DLG5: variants seen among roughly 807,000 people sequenced by gnomAD.
DLG5 encodes discs large MAGUK scaffold protein 5.
A neutral mutation model predicts 189.8 loss-of-function variants in DLG5; 48 were observed. The ratio of observed to expected loss-of-function variants is 0.25; its 90% CI spans 0.20 to 0.32. The LOEUF (loss-of-function observed/expected upper bound fraction) is 0.32. Among genes scored for constraint, DLG5 ranks in the 10% least tolerant of loss-of-function variants. The pLI, the probability that DLG5 is intolerant of heterozygous loss-of-function variation, is 1.00. For synonymous variants in DLG5, 1,016 were observed against 1,054.1 expected (o/e 0.96, Z 0.70); for missense variants, 2,160 against 2,544.7 (o/e 0.85, Z 3.25).
At chr10:77,799,236 G>C (rs1237022677) in intron 27 of DLG5, among the ~76,000 whole-genome samples, 2 of 152,224 alleles carry the variant, frequency 1.3e-5, no homozygotes, top group Non-Finnish European at 2.9e-5. Context: ...TCCAACCTTA[G>C]ACCATACGGC....
chr10:77,805,643 G>T (rs1432283539), intron 27 of DLG5, 22 bp downstream of exon 27: 1 of 1,591,258 alleles, frequency 6.3e-7, no homozygotes, highest in African/African-American at 1.3e-5. Flanking sequence ...GAGCCCACTG[G>T]AAAATGAGCT....
chr10:77,929,481 G>A (rs969967808), upstream of DLG5: 3 of 152,216 alleles, frequency 2.0e-5, no homozygotes, highest in African/African-American at 7.2e-5. Context: ...CCCAGTACCT[G>A]TGAATGTGAC....
At chr10:77,867,682 CA>C (rs1844738850) in intron 2 of DLG5, among the ~76,000 whole-genome samples, 1 of 152,346 alleles carries the variant, frequency 6.6e-6, no homozygotes, top group South Asian at 2.1e-4. Context: ...TGTGGCCCCC[CA>C]AAAGATGCTA....
chr10:77,923,873 CT>C (rs79068166), intron 1 of DLG5, among the ~76,000 whole-genome samples: 54,205 of 151,490 alleles, frequency 0.36, 10,075 homozygotes, highest in East Asian at 0.56. Flanking sequence ...TTTTTTCTTT[CT>C]TTTTTTTTGA....
At chr10:77,848,519 C>T (rs1268956) in intron 5 of DLG5, among the ~76,000 whole-genome samples, 38,641 of 151,984 alleles carry the variant, frequency 0.25, 5,480 homozygotes, top group Admixed American at 0.39. Context: ...AACTTCAAAA[C>T]ATGTGTGCAA....
At chr10:77,804,915 T>C (rs1273333034) in intron 27 of DLG5, among the ~76,000 whole-genome samples, 1 of 152,162 alleles carries the variant, frequency 6.6e-6, no homozygotes, top group East Asian at 1.9e-4. Context: ...CCATTCTTCC[T>C]CAGTAACTGA....
intron 1 of DLG5, among the ~76,000 whole-genome samples, chr10:77,923,171 C>T (rs1846585705): frequency 6.6e-6 from 1 of 152,218 alleles, no homozygotes; most frequent in African/African-American, 2.4e-5. Context: ...GCTAAGGATC[C>T]CAGGGAGCCA....
chr10:77,833,936 T>C lies in DLG5; in HGVS notation c.1726A>G (p.Ser576Gly). 6 of 1,606,822 alleles carry C rather than the reference T, an allele frequency of 3.7e-6. No individual in the cohort carries two copies. The highest frequency in any genetic ancestry group is 5.1e-6 in the Non-Finnish European group (6 of 1,179,952). The part of the protein sequence containing the change: ...DDTRKQKNDV[S>G]RELKELKEQM... ...TACTTGAGCTCCTTCAGCTCGCGGCTGACATCATTCTTCTGCTTGCGGGTG... is the reference window on the plus strand; with the variant it reads ...TACTTGAGCTCCTTCAGCTCGCGGCCGACATCATTCTTCTGCTTGCGGGTG... The change falls in exon 9 of 32, where the codon AGC becomes GGC. Residue 576 changes from serine (S) to glycine (G), a missense_variant. This residue lies in a region of DLG5 where 664 missense variants were observed against 838.5 expected (regional missense o/e 0.79). Coordinates refer to ENST00000372391, the MANE Select transcript of DLG5 (RefSeq NM_004747.4).
At chr10:77,799,479 G>A (rs952790941) in intron 27 of DLG5, among the ~76,000 whole-genome samples, 15 of 152,184 alleles carry the variant, frequency 9.9e-5, no homozygotes, top group African/African-American at 2.4e-4. Context: ...AGGCAGCTGC[G>A]TACAAGGCAG....
intron 2 of DLG5, among the ~76,000 whole-genome samples, chr10:77,860,011 G>A (rs986456612): frequency 6.6e-6 from 1 of 152,218 alleles, no homozygotes; most frequent in Non-Finnish European, 1.5e-5. Flanking sequence ...CCAACAAGTG[G>A]AGCTTCCTTT....
chr10:77,816,941 G>A lies in DLG5; in HGVS notation c.3874+66C>T, dbSNP rs559039660. 5.4e-5 allele frequency: 83 copies of A among 1,547,762 alleles called. No individual in the cohort carries two copies. In the African/African-American group the frequency reaches 1.1e-3, roughly 20 times the overall value. On this transcript the variant is annotated intron_variant, in intron 19 of 31. Coordinates refer to ENST00000372391, the MANE Select transcript of DLG5 (RefSeq NM_004747.4). ...TATGAAGTTCTCAGCTAAGCCCAGA[G>A]ACTCCACCATGAGGAGTCAGACCGC...
rs150800568 is a variant in DLG5 at position 77,792,469 on chromosome 10, C to G, written c.5731G>C (p.Val1911Leu). 33 of 1,614,084 alleles carry G rather than the reference C, an allele frequency of 2.0e-5. No homozygotes were observed. The highest frequency in any genetic ancestry group is 2.8e-5 in the Non-Finnish European group (33 of 1,180,052). Residue 1911 changes from valine to leucine, a missense_variant, in exon 32 of 32, where the codon GTC becomes CTC. This residue lies in a region of DLG5 where 574 missense variants were observed against 644.2 expected (regional missense o/e 0.89). Coordinates refer to ENST00000372391, the MANE Select transcript of DLG5 (RefSeq NM_004747.4). ...AGCGGGCAGGCTGGAATCCACAGGA[C>G]TTTATTTTGTTCTTGATTGACCATT... is the stretch of plus-strand genomic sequence containing the variant. ...LAMVNQEQNK[V>L]LWIPACPL
At chr10:77,933,884 TTAAAA>T in the DLG5 span, among the ~76,000 whole-genome samples, 2 of 150,636 alleles carry the variant, frequency 1.3e-5, no homozygotes, top group Admixed American at 1.3e-4. Flanking sequence ...GTTCTGTACT[TTAAAA>T]TACGGAGAGT....
At chr10:77,841,090 A>C (rs895134604) in intron 7 of DLG5, among the ~76,000 whole-genome samples, 1 of 152,222 alleles carries the variant, frequency 6.6e-6, no homozygotes, top group Non-Finnish European at 1.5e-5. Flanking sequence ...GATAGGAAAA[A>C]AATCTGCTGT....
chr10:77,823,232 T>C (rs1010008007), intron 14 of DLG5, among the ~76,000 whole-genome samples: 6 of 152,138 alleles, frequency 3.9e-5, no homozygotes, highest in African/African-American at 1.2e-4. Context: ...TCTGTAAACA[T>C]AAAACTGCTT....
chr10:77,843,944 T>A (rs1233027171), intron 5 of DLG5, among the ~76,000 whole-genome samples: 1 of 152,184 alleles, frequency 6.6e-6, no homozygotes, highest in Admixed American at 6.5e-5. Flanking sequence ...GCAGAACAGT[T>A]AACACAGCTG....
At chr10:77,927,709 C>A (rs1330718643), upstream of DLG5, 4 of 152,230 alleles carry the variant, frequency 2.6e-5, no homozygotes, top group Non-Finnish European at 5.9e-5. Flanking sequence ...AATCAGCGGA[C>A]TACCTTGCTT....
intron 23 of DLG5, 66 bp downstream of exon 23, chr10:77,811,028 G>C: frequency 6.4e-7 from 1 of 1,555,118 alleles, no homozygotes; most frequent in Non-Finnish European, 8.7e-7. Flanking sequence ...ACGCCACTTG[G>C]AGAATGTGCT....
At chr10:77,882,421 C>A (rs145207871) in intron 1 of DLG5, among the ~76,000 whole-genome samples, 3,611 of 152,216 alleles carry the variant, frequency 0.024, 71 homozygotes, top group Middle Eastern at 0.048. Context: ...ATAAATGATC[C>A]ATTTTTCACC....
Sources: allele counts gnomAD v4.1 joint callset (sites outside exome capture counted in the v4.1 genomes callset), GRCh38; gene constraint gnomAD v4.1.1; regional missense constraint gnomAD v4.1.1; transcripts MANE v1.5; gene names NCBI Gene and HGNC (gene_info 2026-07-23, HGNC 2026-07-21).